Variants in RHOT1 observed in about 807,000 individuals in gnomAD.
RHOT1 encodes the protein ras homolog family member T1, also known as mitochondrial Rho GTPase 1.
RHOT1 carries 27 observed loss-of-function variants against 95.3 expected under a neutral mutation model. The ratio of observed to expected loss-of-function variants is 0.28; its 90% CI spans 0.21 to 0.39. The LOEUF (loss-of-function observed/expected upper bound fraction) is 0.39, where lower values mean the gene tolerates loss of function less well. Ranked by LOEUF, RHOT1 falls within the 10% of genes least tolerant of loss-of-function variation. The pLI is 1.00. For synonymous variants in RHOT1, 227 were observed against 263.5 expected (o/e 0.86, Z 1.34); for missense variants, 578 against 786.7 (o/e 0.73, Z 3.17).
chr17:32,212,449 A>G (rs1314672520), intron 19 of RHOT1, among the ~76,000 whole-genome samples: 2 of 152,230 alleles, frequency 1.3e-5, no homozygotes, highest in Non-Finnish European at 1.5e-5. Flanking sequence ...AAGTAGTAAC[A>G]TAGACAGATT....
intron 8 of RHOT1, among the ~76,000 whole-genome samples, chr17:32,188,361 A>T (rs1476409841): frequency 6.6e-6 from 1 of 152,252 alleles, no homozygotes; most frequent in Non-Finnish European, 1.5e-5. Context: ...ATTAACCTTC[A>T]ATTGGAATTG....
At position 32,176,198 on chromosome 17, in the gene RHOT1, C is replaced by A. The variant is rs757524025; in HGVS notation, c.314C>A (p.Thr105Lys). 1.1e-5 allele frequency: 18 copies of A among 1,608,476 alleles called. No homozygotes were observed. The highest frequency in any genetic ancestry group is 8.4e-5 in the Admixed American group (5 of 59,320). ...SRWIPLINER[T>K]DKDSRLPLIL... is the part of the protein sequence containing the mutation. ...TGGATTCCTCTCATAAATGAAAGAA[C>A]AGACAAAGACAGCAGGTATTTTTTC... Residue 105 changes from threonine (T) to lysine (K), a missense_variant, in exon 6 of 20, where the codon ACA becomes AAA. Around this residue, in one of 4 missense-constraint regions of RHOT1, gnomAD observed 227 missense variants for 316.0 expected, o/e 0.72. Transcript: ENST00000545287.
At chr17:32,196,830 A>G (rs540853525) in intron 11 of RHOT1, among the ~76,000 whole-genome samples, 5 of 152,176 alleles carry the variant, frequency 3.3e-5, no homozygotes, top group African/African-American at 7.2e-5. Flanking sequence ...ATTCTGTTGA[A>G]ATGTCTTTGG....
At chr17:32,164,475 G>A (rs1038250018) in intron 1 of RHOT1, among the ~76,000 whole-genome samples, 5 of 151,818 alleles carry the variant, frequency 3.3e-5, no homozygotes, top group Admixed American at 6.6e-5. Context: ...CTCATGATCC[G>A]CCCACCTCGG....
At chr17:32,142,827 C>A in intron 1 of RHOT1, 98 bp downstream of exon 1, 2 of 1,067,956 alleles carry the variant, frequency 1.9e-6, no homozygotes, top group Non-Finnish European at 2.7e-6. Context: ...ACCTTTGCAG[C>A]CCCGGCCCTT....
At position 32,162,198 on chromosome 17, in the gene RHOT1, T is replaced by C. The variant is rs959521284; in HGVS notation, c.38-8845T>C. On this transcript the variant is annotated intron_variant, in intron 1 of 19. Coordinates refer to ENST00000545287, the MANE Select transcript of RHOT1 (RefSeq NM_001033566.3). ...TTTTTCTGGTGACCAGCTCCCATCC[T>C]GCTAGCATGCTCTGTTGCCCCCTCC... 3.3e-5 allele frequency among the ~76,000 whole-genome samples: 5 copies of C among 152,152 alleles called. No individual in the cohort carries two copies. In the South Asian group the frequency reaches 1.0e-3, roughly 32 times the overall value.
chr17:32,209,378 C>G (rs376695585), intron 18 of RHOT1: 1 of 1,610,720 alleles, frequency 6.2e-7, no homozygotes, highest in Non-Finnish European at 8.5e-7. Flanking sequence ...CAGACTCTCC[C>G]GAGACATGGG....
intron 1 of RHOT1, among the ~76,000 whole-genome samples, chr17:32,161,726 A>G (rs2033575482): frequency 6.6e-6 from 1 of 152,224 alleles, no homozygotes. Context: ...ATAATTTTGC[A>G]AAGGCAGTTT....
intron 19 of RHOT1, among the ~76,000 whole-genome samples, chr17:32,213,431 A>T (rs2038260953): frequency 6.6e-6 from 1 of 152,174 alleles, no homozygotes; most frequent in Non-Finnish European, 1.5e-5. Context: ...GCCCTATAGT[A>T]TTCCACCAGA....
At chr17:32,198,878 T>G (rs1427584257) in intron 11 of RHOT1, 69 bp from the exon 12 acceptor site, 12 of 1,047,734 alleles carry the variant, frequency 1.1e-5, no homozygotes, top group Non-Finnish European at 1.5e-5. Context: ...CTTGTTGCAA[T>G]TTTATATTAA....
chr17:32,153,255 A>C (rs1391837071), intron 1 of RHOT1, among the ~76,000 whole-genome samples: 3 of 152,244 alleles, frequency 2.0e-5, no homozygotes, highest in African/African-American at 7.2e-5. Flanking sequence ...AAGCATATTA[A>C]GGTAGGCACA....
rs374113794 is a variant in RHOT1 at position 32,173,928 on chromosome 17, T to A, written c.178+16T>A. ...GATTACTCAGGTAATGAATATCCTC[T>A]TGTAGATGAAGGTGTAGGTTAATTT... On this transcript the variant is annotated intron_variant, in intron 3 of 19. Coordinates refer to ENST00000545287, the MANE Select transcript of RHOT1 (RefSeq NM_001033566.3). 2.2e-5 allele frequency: 33 copies of A among 1,523,054 alleles called. No individual in the cohort carries two copies. In the African/African-American group the frequency reaches 4.4e-4, roughly 20 times the overall value. 94.3% of individuals were successfully genotyped at this position (1,523,054 alleles called of 1,614,324 possible).
chr17:32,186,364 A>ATT (rs141880248), intron 8 of RHOT1, among the ~76,000 whole-genome samples: 2,246 of 128,194 alleles, frequency 0.018, 70 homozygotes, highest in African/African-American at 0.061. Context: ...GTCCTTTCCC[A>ATT]TTTTTTTTTT....
chr17:32,150,697 A>G, intron 1 of RHOT1: 2 of 1,602,372 alleles, frequency 1.2e-6, no homozygotes, highest in East Asian at 2.2e-5. Context: ...GATTTGGGAT[A>G]TGTCATAGGC....
intron 11 of RHOT1, 72 bp from the exon 12 acceptor site, chr17:32,198,875 C>A: frequency 1.0e-6 from 1 of 1,000,038 alleles, no homozygotes; most frequent in Non-Finnish European, 1.5e-6. Flanking sequence ...AGACTTGTTG[C>A]AATTTTATAT....
chr17:32,195,851 ACT>A (rs1289345013), intron 11 of RHOT1, among the ~76,000 whole-genome samples: 1 of 151,862 alleles, frequency 6.6e-6, no homozygotes, highest in African/African-American at 2.4e-5. Flanking sequence ...TTGTTATAGG[ACT>A]CTCTCATAAG....
chr17:32,153,926 G>T (rs1017206430), intron 1 of RHOT1, among the ~76,000 whole-genome samples: 3 of 152,134 alleles, frequency 2.0e-5, no homozygotes, highest in Admixed American at 6.5e-5. Context: ...GACTTGATGG[G>T]ACTTCATAAC....
intron 4 of RHOT1, 43 bp downstream of exon 4, chr17:32,175,405 A>C: frequency 2.0e-6 from 3 of 1,534,220 alleles, no homozygotes; most frequent in Non-Finnish European, 2.7e-6. Context: ...GTGTAGAAAA[A>C]CAGTGATGAT....
At chr17:32,186,586 T>C (rs1261246489) in intron 8 of RHOT1, among the ~76,000 whole-genome samples, 2 of 151,990 alleles carry the variant, frequency 1.3e-5, no homozygotes, top group Non-Finnish European at 2.9e-5. Flanking sequence ...AGGATGGTCT[T>C]GATCTCCTGA....
Sources: allele counts gnomAD v4.1 joint callset (sites outside exome capture counted in the v4.1 genomes callset), GRCh38; gene constraint gnomAD v4.1.1; regional missense constraint gnomAD v4.1.1; transcripts MANE v1.5; gene names NCBI Gene and HGNC (gene_info 2026-07-23, HGNC 2026-07-21).